Variants in GATAD2B observed in about 807,000 individuals in gnomAD.
GATAD2B encodes transcriptional repressor p66-beta.
In GATAD2B, 8 loss-of-function variants were observed where a neutral mutation model predicts 64.3. That is an observed-to-expected ratio of 0.12 (90% CI 0.07 to 0.22). GATAD2B has a LOEUF of 0.22. GATAD2B is among the 10% of genes least tolerant of loss of function. The probability of loss-of-function intolerance (pLI) is 1.00; values close to 1 mark genes in which losing one functional copy is unlikely to be tolerated. For missense variants in GATAD2B, 453 were observed against 752.0 expected (o/e 0.60, Z 4.65); for synonymous variants, 281 against 271.3 (o/e 1.04, Z -0.35).
chr1:153,822,585 G>A (rs555996354), intron 2 of GATAD2B, among the ~76,000 whole-genome samples: 9 of 152,144 alleles, frequency 5.9e-5, no homozygotes, highest in East Asian at 5.8e-4. Flanking sequence ...CAATCTCGGC[G>A]CACTGCAACC....
chr1:153,828,695 T>C (rs1469898935), intron 1 of GATAD2B, among the ~76,000 whole-genome samples: 1 of 151,640 alleles, frequency 6.6e-6, no homozygotes, highest in Admixed American at 6.6e-5. Context: ...TGTTCAAGGG[T>C]ACATGTGCAG....
intron 1 of GATAD2B, among the ~76,000 whole-genome samples, chr1:153,868,447 TAA>T (rs1410819917): frequency 2.2e-5 from 3 of 135,292 alleles, no homozygotes; most frequent in Non-Finnish European, 4.7e-5. Flanking sequence ...TTGTTCTAGT[TAA>T]CAGCATGGGG....
chr1:153,920,890 A>C (rs1267946670), intron 1 of GATAD2B, among the ~76,000 whole-genome samples: 3 of 152,164 alleles, frequency 2.0e-5, no homozygotes, highest in Non-Finnish European at 2.9e-5. Context: ...ACCATCAACT[A>C]GTTATTCATA....
At chr1:153,824,014 G>C (rs147111117) in intron 2 of GATAD2B, among the ~76,000 whole-genome samples, 1 of 152,166 alleles carries the variant, frequency 6.6e-6, no homozygotes, top group Non-Finnish European at 1.5e-5. Flanking sequence ...ACAGGCGTGA[G>C]CCACTGTGCC....
rs1005568322 is a variant in GATAD2B at position 153,806,612 on chromosome 1, G to C, written c.*3565C>G. 8.5e-6 allele frequency: 1 copy of C among 117,520 alleles called. No homozygotes were observed. The highest frequency in any genetic ancestry group is 7.8e-5 in the Admixed American group (1 of 12,850). The allele number at this position is 117,520 out of a possible 1,614,324, so 7.3% of individuals were successfully genotyped here. Reference sequence around the variant, plus strand: ...CTAGGGCTTTTTTTTCTCTTTTTCAGGTTTTTTTTTTTTTCTACACAATGT... The same window carrying C: ...CTAGGGCTTTTTTTTCTCTTTTTCACGTTTTTTTTTTTTTCTACACAATGT... On this transcript the variant is annotated 3_prime_UTR_variant, in exon 11 of 11. Transcript: ENST00000368655.
intron 1 of GATAD2B, among the ~76,000 whole-genome samples, chr1:153,919,938 G>C (rs1223923792): frequency 6.6e-6 from 1 of 152,194 alleles, no homozygotes; most frequent in Non-Finnish European, 1.5e-5. Flanking sequence ...CAAATCTTAC[G>C]ATTTCTCTAG....
intron 1 of GATAD2B, among the ~76,000 whole-genome samples, chr1:153,886,763 G>A (rs1677199292): frequency 6.6e-6 from 1 of 151,292 alleles, no homozygotes; most frequent in South Asian, 2.1e-4. Flanking sequence ...GTTTCACTGT[G>A]TTAGCGAGGA....
At chr1:153,912,040 T>C (rs1320643835) in intron 1 of GATAD2B, among the ~76,000 whole-genome samples, 2 of 152,340 alleles carry the variant, frequency 1.3e-5, no homozygotes, top group East Asian at 3.9e-4. Context: ...AAGTTTAATT[T>C]GGAAATTAAA....
chr1:153,917,961 G>C (rs1255813901), intron 1 of GATAD2B, among the ~76,000 whole-genome samples: 2 of 152,194 alleles, frequency 1.3e-5, no homozygotes, highest in African/African-American at 4.8e-5. Context: ...TTTAAGCAAA[G>C]ACGTTAAGGA....
At position 153,879,717 on chromosome 1, in the gene GATAD2B, T is replaced by C. The variant is rs561014076; in HGVS notation, c.-2+43016A>G. On this transcript the variant is annotated intron_variant, in intron 1 of 10. Transcript: ENST00000368655. ...GTCGGAGGTTGCAGCGAGCCAACAA[T>C]GCGCCACTGCACTCCAGCCTGGCAA... 1.9e-3 allele frequency among the ~76,000 whole-genome samples: 258 copies of C among 136,692 alleles called. 2 individuals are homozygous for C. The highest frequency in any genetic ancestry group is 6.8e-3 in the African/African-American group (245 of 36,004). 89.7% of individuals were successfully genotyped at this position (136,692 alleles called of 152,430 possible).
At chr1:153,815,440 T>A (rs1022119236) in intron 7 of GATAD2B, among the ~76,000 whole-genome samples, 1 of 123,064 alleles carries the variant, frequency 8.1e-6, no homozygotes, top group African/African-American at 3.0e-5. Flanking sequence ...TGAAACAACA[T>A]ACAACAAAAA....
rs758041584 is a variant in GATAD2B at position 153,812,049 on chromosome 1, G to A, written c.1503C>T (p.Thr501=). 8.1e-6 allele frequency: 13 copies of A among 1,609,308 alleles called. No homozygotes were observed. The African/African-American group carries it at 1.5e-4, about 18-fold the overall frequency. The stretch of plus-strand genomic sequence containing the variant: ...GCCGAAGCGTATGATGTCTCATGAT[G>A]GTCTCTTGTTTACTGACACTGGACA... ...PAVSSVSKQE[T]IMRHHTLRQA... The change falls in exon 9 of 11, where the codon ACC becomes ACT. Residue 501 remains threonine (T), a synonymous_variant. Coordinates refer to ENST00000368655, the MANE Select transcript of GATAD2B (RefSeq NM_020699.4).
At chr1:153,861,795 A>AAAAAAAAAAAAAAATAG (rs371843941) in intron 1 of GATAD2B, among the ~76,000 whole-genome samples, 1 of 98,550 alleles carries the variant, frequency 1.0e-5, no homozygotes, top group Non-Finnish European at 2.0e-5. Flanking sequence ...AAAAAAAAAA[A>AAAAAAAAAAAAAAATAG]ATATATATAT....
At chr1:153,855,239 T>G (rs1676044137) in intron 1 of GATAD2B, among the ~76,000 whole-genome samples, 1 of 102,042 alleles carries the variant, frequency 9.8e-6, no homozygotes, top group Admixed American at 9.2e-5. Flanking sequence ...TTTTTTTTTG[T>G]TGTTGTTGTT....
rs1674248351 is a variant in GATAD2B, at chr1:153,810,267, T to C, written c.1692A>G (p.Lys564=). ...GCTGTCGGTCTGCCAAACTGGGGCC[T>C]TTGTGTCCTCCGATGCCAGTATTCA... is the stretch of plus-strand genomic sequence containing the variant. ...AYLNTGIGGH[K]GPSLADRQRE... is the part of the protein sequence containing the mutation. The change falls in exon 11 of 11, where the codon AAA becomes AAG. Residue 564 remains lysine (K), a synonymous_variant. Coordinates refer to ENST00000368655, the MANE Select transcript of GATAD2B (RefSeq NM_020699.4). 6.2e-7 allele frequency: 1 copy of C among 1,613,022 alleles called. No individual in the cohort carries two copies. Among genetic ancestry groups the C allele is most frequent in the African/African-American group, 1.3e-5 (1 of 74,822 alleles).
At chr1:153,830,770 C>T (rs924067989) in intron 1 of GATAD2B, among the ~76,000 whole-genome samples, 9 of 151,978 alleles carry the variant, frequency 5.9e-5, no homozygotes, top group African/African-American at 1.9e-4. Context: ...CCACCGCGCC[C>T]GGCCTTTTTA....
chr1:153,860,837 G>A (rs1403978240), intron 1 of GATAD2B, among the ~76,000 whole-genome samples: 2 of 151,902 alleles, frequency 1.3e-5, no homozygotes, highest in East Asian at 3.9e-4. Context: ...ATTTTTGGTA[G>A]AGACAGGTCT....
At chr1:153,844,214 GA>G (rs550941692) in intron 1 of GATAD2B, among the ~76,000 whole-genome samples, 7 of 149,940 alleles carry the variant, frequency 4.7e-5, no homozygotes, top group South Asian at 4.2e-4. Context: ...AAGACTGGGG[GA>G]AAAAAAAACA....
chr1:153,835,701 G>GTAAA (rs1362374307), intron 1 of GATAD2B, among the ~76,000 whole-genome samples: 2 of 152,030 alleles, frequency 1.3e-5, no homozygotes, highest in Non-Finnish European at 2.9e-5. Context: ...ACAGCATAAT[G>GTAAA]TAAACATAAC....
Sources: allele counts gnomAD v4.1 joint callset (sites outside exome capture counted in the v4.1 genomes callset), GRCh38; gene constraint gnomAD v4.1.1; transcripts MANE v1.5; gene names NCBI Gene and HGNC (gene_info 2026-07-23, HGNC 2026-07-21).